Variants in COMMD1 observed in about 807,000 individuals in gnomAD.
COMMD1 encodes copper metabolism domain containing 1.
In COMMD1, 10 loss-of-function variants were observed where a neutral mutation model predicts 17.2. The ratio of observed to expected loss-of-function variants is 0.58; its 90% CI spans 0.36 to 0.99. The LOEUF is 0.99. Among genes scored for constraint, COMMD1 ranks in the 50% least tolerant of loss-of-function variants. The pLI is 0.01. For missense variants in COMMD1, 270 were observed against 231.8 expected (o/e 1.17, Z -1.07); for synonymous variants, 97 against 91.6 (o/e 1.06, Z -0.34).
At chr2:62,008,357 G>A (rs1017841541) in intron 2 of COMMD1, among the ~76,000 whole-genome samples, 1 of 145,954 alleles carries the variant, frequency 6.9e-6, no homozygotes, top group South Asian at 2.1e-4. Context: ...CACACACACA[G>A]ACAGACACAC....
chr2:62,000,087 C>T (rs146536199), intron 1 of COMMD1, among the ~76,000 whole-genome samples: 267 of 151,518 alleles, frequency 1.8e-3, no homozygotes, highest in African/African-American at 6.0e-3. Flanking sequence ...TACACCCGGC[C>T]AATTTTGTAT....
At position 62,028,605 on chromosome 2, in the gene COMMD1, A is replaced by G. The variant is rs148842915; in HGVS notation, c.462+27623A>G. On this transcript the variant is annotated intron_variant, in intron 2 of 2. Coordinates refer to ENST00000311832, the MANE Select transcript of COMMD1 (RefSeq NM_152516.4). ...AAGGAAAATAAAAAGGATTAAAATA[A>G]TGATGCCAATAAAACTATTGGATAG... Among the ~76,000 whole-genome samples, 465 of 152,320 alleles carry G rather than the reference A, an allele frequency of 3.1e-3. 1 individual carries two copies. Among genetic ancestry groups the G allele is most frequent in the African/African-American group, 0.01 (429 of 41,578 alleles).
intron 2 of COMMD1, chr2:62,084,760 A>C (rs1475793031): frequency 1.3e-5 from 2 of 152,226 alleles, no homozygotes; most frequent in Non-Finnish European, 2.9e-5. Context: ...AATGCTCTAC[A>C]TAGGCTCCAT....
chr2:62,024,495 A>G (rs1313831801), intron 2 of COMMD1, among the ~76,000 whole-genome samples: 1 of 152,212 alleles, frequency 6.6e-6, no homozygotes, highest in African/African-American at 2.4e-5. Flanking sequence ...GTTACATTCC[A>G]ACAAAGTTAA....
intron 1 of COMMD1, among the ~76,000 whole-genome samples, chr2:61,999,755 A>AT (rs1668871939): frequency 6.6e-6 from 1 of 151,170 alleles, no homozygotes; most frequent in African/African-American, 2.4e-5. Flanking sequence ...AAAAAATTTC[A>AT]TTTTATCTCC....
intron 1 of COMMD1, among the ~76,000 whole-genome samples, chr2:61,962,709 CTG>C (rs1248334778): frequency 1.3e-5 from 2 of 152,078 alleles, no homozygotes; most frequent in East Asian, 3.9e-4. Flanking sequence ...GAACAGTACT[CTG>C]TGTATATTGT....
chr2:62,028,711 CTCT>C lies in COMMD1; in HGVS notation c.462+27734_462+27736del, dbSNP rs1251628746. Among the ~76,000 whole-genome samples the C allele has an allele frequency of 2.0e-5, 3 of 152,082 alleles. No individual in the cohort carries two copies. In the East Asian group the frequency reaches 5.8e-4, roughly 29 times the overall value. On this transcript the variant is annotated intron_variant, in intron 2 of 2. Transcript: ENST00000311832. The stretch of plus-strand genomic sequence containing the variant: ...TTAATATTACAGTTGTCTTTAGTGA[CTCT>C]TCTTTGAATACATTTCATTAATGAG...
intron 2 of COMMD1, among the ~76,000 whole-genome samples, chr2:62,085,832 T>A (rs1443750303): frequency 6.6e-6 from 1 of 150,916 alleles, no homozygotes; most frequent in Non-Finnish European, 1.5e-5. Context: ...ATACAAAAAA[T>A]TAGCGGGGCA....
chr2:62,135,804 T>C, intron 2 of COMMD1, 27 bp from the exon 3 acceptor site: 1 of 1,191,004 alleles, frequency 8.4e-7, no homozygotes, highest in Non-Finnish European at 1.3e-6. Context: ...GTGGTTTCCC[T>C]CTAAAATATC....
intron 1 of COMMD1, among the ~76,000 whole-genome samples, chr2:61,950,595 G>A (rs1053780194): frequency 6.6e-5 from 10 of 152,176 alleles, no homozygotes; most frequent in Non-Finnish European, 7.3e-5. Context: ...TCGCTTAAAG[G>A]AAGCACTTTA....
chr2:62,066,227 C>A (rs528476739), intron 2 of COMMD1, among the ~76,000 whole-genome samples: 1 of 152,238 alleles, frequency 6.6e-6, no homozygotes, highest in South Asian at 2.1e-4. Flanking sequence ...ATACTCCCTA[C>A]CCCACTTTTT....
chr2:61,969,422 C>T (rs1241849837), intron 1 of COMMD1, among the ~76,000 whole-genome samples: 3 of 152,134 alleles, frequency 2.0e-5, no homozygotes, highest in African/African-American at 7.2e-5. Context: ...CTTTTACTTT[C>T]TCAAGGTCTT....
chr2:62,042,084 G>A (rs935465576), intron 2 of COMMD1, among the ~76,000 whole-genome samples: 2 of 152,290 alleles, frequency 1.3e-5, no homozygotes, highest in Non-Finnish European at 1.5e-5. Flanking sequence ...ACAGAGCACC[G>A]ATTGGTCCAT....
At chr2:62,132,210 C>G (rs1673058729) in intron 2 of COMMD1, among the ~76,000 whole-genome samples, 1 of 152,166 alleles carries the variant, frequency 6.6e-6, no homozygotes, top group Admixed American at 6.5e-5. Flanking sequence ...TTAGCCTACT[C>G]TTTCTCTAGT....
At chr2:62,045,234 C>G (rs1670346466) in intron 2 of COMMD1, among the ~76,000 whole-genome samples, 1 of 151,888 alleles carries the variant, frequency 6.6e-6, no homozygotes, top group Admixed American at 6.6e-5. Flanking sequence ...TCTGGTGGAG[C>G]CACAGGACCA....
At chr2:62,097,658 C>T (rs929975157) in intron 2 of COMMD1, among the ~76,000 whole-genome samples, 5 of 152,148 alleles carry the variant, frequency 3.3e-5, no homozygotes, top group Admixed American at 6.5e-5. Flanking sequence ...TGATGCCTCA[C>T]TAGTCCTCCT....
chr2:62,034,107 A>G (rs1009307528), intron 2 of COMMD1, among the ~76,000 whole-genome samples: 8 of 151,724 alleles, frequency 5.3e-5, no homozygotes, highest in African/African-American at 1.2e-4. Context: ...AAAAAAAAAA[A>G]AAAAGAAATG....
chr2:62,115,583 G>A (rs556059554), intron 2 of COMMD1, among the ~76,000 whole-genome samples: 2 of 152,200 alleles, frequency 1.3e-5, no homozygotes, highest in Admixed American at 6.5e-5. Context: ...TATTACTGGG[G>A]CATTTGATAA....
chr2:62,031,393 C>T (rs996891494), intron 2 of COMMD1, among the ~76,000 whole-genome samples: 2 of 152,220 alleles, frequency 1.3e-5, no homozygotes, highest in African/African-American at 2.4e-5. Flanking sequence ...AAGCACCCAA[C>T]TCTGTTGCTA....
Sources: allele counts gnomAD v4.1 joint callset (sites outside exome capture counted in the v4.1 genomes callset), GRCh38; gene constraint gnomAD v4.1.1; transcripts MANE v1.5; gene names NCBI Gene and HGNC (gene_info 2026-07-23, HGNC 2026-07-21).